MARCHF1: variants seen among roughly 807,000 people sequenced by gnomAD.
MARCHF1 encodes the protein membrane associated ring-CH-type finger 1, also known as E3 ubiquitin-protein ligase MARCHF1.
MARCHF1 carries 40 observed loss-of-function variants against 54.2 expected under a neutral mutation model. The observed-to-expected ratio is 0.74, with a 90% CI of 0.57 to 0.96. MARCHF1 has a LOEUF of 0.96. Among genes scored for constraint, MARCHF1 ranks in the 40% least tolerant of loss-of-function variants. The probability of loss-of-function intolerance (pLI) is 0.00; values close to 1 mark genes in which losing one functional copy is unlikely to be tolerated. For missense variants in MARCHF1, 586 were observed against 656.5 expected, an observed-to-expected ratio of 0.89 and a Z score of 1.17; for synonymous variants, 236 against 236.3, an observed-to-expected ratio of 1.00 and a Z score of 0.01.
At chr4:164,104,640 C>A (rs1423131772) in intron 2 of MARCHF1, among the ~76,000 whole-genome samples, 1 of 18,452 alleles carries the variant, frequency 5.4e-5, no homozygotes, top group African/African-American at 1.2e-4. Flanking sequence ...CTATCTATGA[C>A]AAACCCACAG....
rs189737350 is a variant in MARCHF1 at position 163,602,015 on chromosome 4, A to C, written c.1010+10256T>G. 8.5e-5 allele frequency among the ~76,000 whole-genome samples: 13 copies of C among 152,108 alleles called. No homozygotes were observed. The East Asian group carries it at 2.5e-3, about 29-fold the overall frequency. On this transcript the variant is annotated intron_variant, in intron 7 of 9. Coordinates refer to ENST00000514618, the MANE Select transcript of MARCHF1 (RefSeq NM_001394959.1). ...AACTGAAAACAATCAGAAAAAAAAA[A>C]CTGCTAAGAACAAGGCATATCTTTA... is the stretch of plus-strand genomic sequence containing the variant.
intron 5 of MARCHF1, among the ~76,000 whole-genome samples, chr4:163,643,698 T>G (rs1474088572): frequency 1.3e-5 from 2 of 152,234 alleles, no homozygotes; most frequent in Non-Finnish European, 2.9e-5. Flanking sequence ...TTTTTGTAAT[T>G]TCCTAGGGGA....
rs1306122317 is a variant in MARCHF1 at position 163,980,006 on chromosome 4, GA to G, written c.-39+8494del. ...ACTAATGACTTTCTTCACAGAATTG[GA>G]AAAAACTACTTTAAAGTTCATATGG... On this transcript the variant is annotated intron_variant, in intron 3 of 9. Coordinates refer to ENST00000514618, the MANE Select transcript of MARCHF1 (RefSeq NM_001394959.1). 4.6e-5 allele frequency among the ~76,000 whole-genome samples: 7 copies of G among 151,744 alleles called. No homozygotes were observed. The South Asian group carries it at 1.0e-3, about 23-fold the overall frequency.
intron 8 of MARCHF1, among the ~76,000 whole-genome samples, chr4:163,552,559 T>C (rs968883794): frequency 3.3e-5 from 5 of 152,230 alleles, no homozygotes; most frequent in African/African-American, 9.6e-5. Flanking sequence ...CATTCTGAAC[T>C]GCTGGGTAAT....
At chr4:164,055,121 G>T (rs1754460741) in intron 2 of MARCHF1, 1 of 151,974 alleles carries the variant, frequency 6.6e-6, no homozygotes, top group Non-Finnish European at 1.5e-5. Context: ...AGCAATGATG[G>T]TAATAAGCCT....
intron 3 of MARCHF1, among the ~76,000 whole-genome samples, chr4:163,973,904 G>C (rs981373013): frequency 6.6e-6 from 1 of 152,148 alleles, no homozygotes; most frequent in Non-Finnish European, 1.5e-5. Flanking sequence ...CAAGGACTAG[G>C]ATGCTAAAAC....
At chr4:164,087,061 G>A (rs182473968) in intron 2 of MARCHF1, among the ~76,000 whole-genome samples, 51 of 152,124 alleles carry the variant, frequency 3.4e-4, no homozygotes, top group African/African-American at 1.1e-3. Flanking sequence ...TAATCCTAGG[G>A]AACAGACCAG....
At chr4:164,091,410 T>TTATATA (rs1553980469) in intron 2 of MARCHF1, among the ~76,000 whole-genome samples, 41,953 of 136,426 alleles carry the variant, frequency 0.31, 7,234 homozygotes, top group Non-Finnish European at 0.39. Flanking sequence ...TCACCAAGTT[T>TTATATA]TATATATATA....
intron 3 of MARCHF1, among the ~76,000 whole-genome samples, chr4:163,886,491 A>G (rs1199782795): frequency 6.6e-6 from 1 of 152,092 alleles, no homozygotes; most frequent in Non-Finnish European, 1.5e-5. Context: ...TGTAAAAAAA[A>G]TACTGGTGCA....
intron 1 of MARCHF1, among the ~76,000 whole-genome samples, chr4:164,119,182 T>C (rs932973015): frequency 1.3e-5 from 2 of 151,606 alleles, no homozygotes; most frequent in East Asian, 1.9e-4. Context: ...CACAATGCAA[T>C]AAAACTAAAA....
At chr4:163,682,417 C>A (rs377218926) in intron 5 of MARCHF1, among the ~76,000 whole-genome samples, 1 of 152,168 alleles carries the variant, frequency 6.6e-6, no homozygotes, top group South Asian at 2.1e-4. Context: ...CTCTAGGGCA[C>A]GGCAGAGACC....
At chr4:163,838,257 T>C (rs368856683) in intron 4 of MARCHF1, among the ~76,000 whole-genome samples, 2 of 152,138 alleles carry the variant, frequency 1.3e-5, no homozygotes, top group Non-Finnish European at 2.9e-5. Flanking sequence ...GCATATAACC[T>C]ATGCACATCC....
chr4:163,768,619 C>T (rs528960002), intron 4 of MARCHF1, among the ~76,000 whole-genome samples: 14 of 152,168 alleles, frequency 9.2e-5, no homozygotes, highest in Admixed American at 3.9e-4. Context: ...TTAGGAAATG[C>T]ATGGCTAATT....
intron 1 of MARCHF1, among the ~76,000 whole-genome samples, chr4:164,223,097 G>A (rs761525684): frequency 6.6e-6 from 1 of 151,922 alleles, no homozygotes; most frequent in Non-Finnish European, 1.5e-5. Context: ...AGGGGACATA[G>A]CCCCCATGAT....
At chr4:163,858,195 G>A (rs760796228) in intron 3 of MARCHF1, among the ~76,000 whole-genome samples, 6 of 152,014 alleles carry the variant, frequency 3.9e-5, no homozygotes, top group South Asian at 2.1e-4. Context: ...AGCATGGTAC[G>A]CCTAGAACTG....
rs148822144 is a variant in MARCHF1, at chr4:164,050,807, C to G, written c.-248+60781G>C. Reference sequence around the variant, plus strand: ...AATTAGACGGGCGTGGTGGTGCATGCCTGTAATCCCAGATACTGGGGAGGC... The same window carrying G: ...AATTAGACGGGCGTGGTGGTGCATGGCTGTAATCCCAGATACTGGGGAGGC... On this transcript the variant is annotated intron_variant, in intron 2 of 9. Transcript: ENST00000514618. Among the ~76,000 whole-genome samples, 683 of 152,222 alleles carry G rather than the reference C, an allele frequency of 4.5e-3. 4 individuals carry two copies. Among genetic ancestry groups the G allele is most frequent in the African/African-American group, 0.016 (648 of 41,528 alleles).
intron 1 of MARCHF1, among the ~76,000 whole-genome samples, chr4:164,359,236 A>G (rs923571119): frequency 2.2e-4 from 34 of 152,180 alleles, no homozygotes; most frequent in Admixed American, 2.2e-3. Context: ...TGTGTGTGGT[A>G]GTTCTGAGAG....
At chr4:163,546,566 G>A (rs974545884) in intron 8 of MARCHF1, among the ~76,000 whole-genome samples, 2 of 152,118 alleles carry the variant, frequency 1.3e-5, no homozygotes, top group South Asian at 2.1e-4. Context: ...TTGAATGACC[G>A]AATGATACCT....
chr4:164,359,784 T>TCTCCA (rs1443981949), intron 1 of MARCHF1, among the ~76,000 whole-genome samples: 1 of 152,134 alleles, frequency 6.6e-6, no homozygotes, highest in Non-Finnish European at 1.5e-5. Flanking sequence ...AGCTACCACC[T>TCTCCA]GTAAGTCCAT....
Sources: gnomAD v4.1 joint callset for allele counts (sites outside exome capture counted in the v4.1 genomes callset) on GRCh38, gnomAD v4.1.1 for gene constraint, MANE v1.5 for transcripts, NCBI Gene and HGNC (gene_info 2026-07-23, HGNC 2026-07-21) for gene names.